Variants in GSTCD observed in about 807,000 individuals in gnomAD.
GSTCD encodes glutathione S-transferase C-terminal domain-containing protein.
In GSTCD, 44 loss-of-function variants were observed where a neutral mutation model predicts 68.3. That is an observed-to-expected ratio of 0.64 (90% CI 0.51 to 0.83). GSTCD has a LOEUF of 0.83. Ranked by LOEUF, GSTCD falls within the 40% of genes least tolerant of loss-of-function variation. GSTCD has a pLI of 0.00. For synonymous variants in GSTCD, 273 were observed against 255.2 expected (o/e 1.07, Z -0.67); for missense variants, 739 against 735.9 (o/e 1.00, Z -0.05).
chr4:105,726,141 C>T (rs1420266316), intron 3 of GSTCD, among the ~76,000 whole-genome samples: 2 of 152,054 alleles, frequency 1.3e-5, no homozygotes, highest in Non-Finnish European at 2.9e-5. Flanking sequence ...ATCTATCAAC[C>T]AGTGAATGAG....
intron 5 of GSTCD, among the ~76,000 whole-genome samples, chr4:105,769,233 G>GCGCACA (rs1553961423): frequency 6.2e-5 from 9 of 146,338 alleles, no homozygotes; most frequent in African/African-American, 2.3e-4. Flanking sequence ...ATACACGCGC[G>GCGCACA]CACACACACA....
chr4:105,718,119 C>A, intron 2 of GSTCD, 80 bp downstream of exon 2: 1 of 1,105,810 alleles, frequency 9.0e-7, no homozygotes, highest in South Asian at 1.6e-5. Flanking sequence ...ATTTTAACTT[C>A]CTATTAGGAA....
At chr4:105,804,663 A>G (rs1466936596) in intron 5 of GSTCD, among the ~76,000 whole-genome samples, 1 of 152,046 alleles carries the variant, frequency 6.6e-6, no homozygotes, top group Non-Finnish European at 1.5e-5. Context: ...TTTTAAGTTC[A>G]AGGGTACATG....
At chr4:105,800,977 T>C (rs1736085309) in intron 5 of GSTCD, among the ~76,000 whole-genome samples, 1 of 152,254 alleles carries the variant, frequency 6.6e-6, no homozygotes, top group South Asian at 2.1e-4. Context: ...AACATAAATT[T>C]TCTCTATAAG....
rs567219502 is a variant in GSTCD, at chr4:105,777,114, T to C, written c.1241-45840T>C. On this transcript the variant is annotated intron_variant, in intron 5 of 11. Coordinates refer to ENST00000515279, the MANE Select transcript of GSTCD (RefSeq NM_001370181.1). ...CAATGGGAGTTTTGTGAGTTACCAT[T>C]TATTAAAAGCTGACCAAATAAATTC... Among the ~76,000 whole-genome samples, 4 of 152,316 alleles carry C rather than the reference T, an allele frequency of 2.6e-5. No homozygotes were observed. In the South Asian group the frequency reaches 8.3e-4, roughly 32 times the overall value.
chr4:105,797,570 G>C (rs1213036739), intron 5 of GSTCD, among the ~76,000 whole-genome samples: 4 of 152,058 alleles, frequency 2.6e-5, no homozygotes, highest in Admixed American at 2.6e-4. Flanking sequence ...TATTTTTGCT[G>C]GTGGAGGGTC....
At chr4:105,797,927 C>A (rs1330606619) in intron 5 of GSTCD, among the ~76,000 whole-genome samples, 1 of 151,916 alleles carries the variant, frequency 6.6e-6, no homozygotes, top group African/African-American at 2.4e-5. Flanking sequence ...CACCACCATA[C>A]CTGGCTGACT....
At position 105,822,975 on chromosome 4, in the gene GSTCD, C is replaced by A; in HGVS notation, c.1262C>A (p.Ala421Asp). 6.2e-7 allele frequency: 1 copy of A among 1,613,234 alleles called. No individual in the cohort carries two copies. The highest frequency in any genetic ancestry group is 8.5e-7 in the Non-Finnish European group (1 of 1,179,468). The change falls in exon 6 of 12, where the codon GCT (alanine) becomes GAT (aspartate). Residue 421 changes from alanine to aspartate, a missense_variant. Coordinates refer to ENST00000515279, the MANE Select transcript of GSTCD (RefSeq NM_001370181.1). ...TCAGGTAAAATGTCCAGTGATCGAGCTTTGAGGAAGCAGCAACAGTTGAAC... is the reference window on the plus strand; with the variant it reads ...TCAGGTAAAATGTCCAGTGATCGAGATTTGAGGAAGCAGCAACAGTTGAAC... ...PKEGKMSSDR[A>D]LRKQQQLNNL...
chr4:105,747,552 G>A (rs78107473), intron 5 of GSTCD, among the ~76,000 whole-genome samples: 1,559 of 152,234 alleles, frequency 0.01, 32 homozygotes, highest in African/African-American at 0.035. Flanking sequence ...AACATGAACA[G>A]TATCAAACCT....
At chr4:105,805,419 A>G (rs1172579601) in intron 5 of GSTCD, among the ~76,000 whole-genome samples, 1 of 152,280 alleles carries the variant, frequency 6.6e-6, no homozygotes. Context: ...AGGCACATCT[A>G]TTTTGAAAGG....
At chr4:105,718,764 G>A (rs757934968) in intron 2 of GSTCD, among the ~76,000 whole-genome samples, 5 of 152,144 alleles carry the variant, frequency 3.3e-5, no homozygotes, top group Non-Finnish European at 5.9e-5. Context: ...AAATAGCAAT[G>A]CTTTGGAAGC....
intron 5 of GSTCD, among the ~76,000 whole-genome samples, chr4:105,796,145 A>G (rs1260450048): frequency 6.6e-6 from 1 of 152,358 alleles, no homozygotes; most frequent in South Asian, 2.1e-4. Context: ...AGGCCTCACA[A>G]TAATGACGAA....
At chr4:105,743,939 G>A (rs1007371410) in intron 5 of GSTCD, among the ~76,000 whole-genome samples, 1 of 152,078 alleles carries the variant, frequency 6.6e-6, no homozygotes, top group African/African-American at 2.4e-5. Context: ...GATTACAGGC[G>A]TGAGCCACCA....
intron 4 of GSTCD, 38 bp downstream of exon 4, chr4:105,726,868 G>C (rs1477021150): frequency 2.0e-6 from 3 of 1,520,024 alleles, no homozygotes; most frequent in Non-Finnish European, 2.7e-6. Context: ...AAAATTCTAT[G>C]TGATAATATT....
chr4:105,754,666 A>G (rs747816755), intron 5 of GSTCD, among the ~76,000 whole-genome samples: 76 of 152,300 alleles, frequency 5.0e-4, no homozygotes, highest in Admixed American at 9.2e-4. Flanking sequence ...ATTATTTTAT[A>G]TGACACTTTT....
chr4:105,731,751 G>A (rs187280570), intron 5 of GSTCD, among the ~76,000 whole-genome samples: 1,558 of 152,270 alleles, frequency 0.01, 32 homozygotes, highest in African/African-American at 0.035. Context: ...TGATGAGAGA[G>A]GGCATCCCTG....
chr4:105,814,011 A>C (rs1722863612), intron 5 of GSTCD, among the ~76,000 whole-genome samples: 1 of 152,162 alleles, frequency 6.6e-6, no homozygotes, highest in South Asian at 2.1e-4. Context: ...AAATTTGCTA[A>C]ATTAATGAAC....
intron 5 of GSTCD, among the ~76,000 whole-genome samples, chr4:105,789,768 G>A (rs1290075887): frequency 6.6e-6 from 1 of 151,896 alleles, no homozygotes; most frequent in Admixed American, 6.6e-5. Flanking sequence ...TGTGAATACA[G>A]GAGGGAGGAC....
intron 5 of GSTCD, among the ~76,000 whole-genome samples, chr4:105,819,996 T>C (rs1301920094): frequency 1.3e-5 from 2 of 151,804 alleles, no homozygotes; most frequent in African/African-American, 2.4e-5. Flanking sequence ...ATGCACTCTT[T>C]TATAAGTAAG....
Sources: allele counts gnomAD v4.1 joint callset (sites outside exome capture counted in the v4.1 genomes callset), GRCh38; gene constraint gnomAD v4.1.1; transcripts MANE v1.5; gene names NCBI Gene and HGNC (gene_info 2026-07-23, HGNC 2026-07-21).